The following KCNK3 variants were observed in gnomAD, a reference collection of about 807,000 sequenced individuals.
The protein encoded by KCNK3 is potassium channel subfamily K member 3.
In KCNK3, 9 loss-of-function variants were observed where a neutral mutation model predicts 27.3. The observed-to-expected ratio is 0.33, with a 90% CI of 0.20 to 0.57. The LOEUF (loss-of-function observed/expected upper bound fraction) is 0.57, where lower values mean the gene tolerates loss of function less well. Ranked by LOEUF, KCNK3 falls within the 20% of genes least tolerant of loss-of-function variation. The probability of loss-of-function intolerance (pLI) is 0.87; values close to 1 mark genes in which losing one functional copy is unlikely to be tolerated. For missense variants in KCNK3, 391 were observed against 577.7 expected, an observed-to-expected ratio of 0.68 and a Z score of 3.31; for synonymous variants, 278 against 273.8, an observed-to-expected ratio of 1.02 and a Z score of -0.15.
At chr2:26,722,938 G>A (rs1663350428) in intron 1 of KCNK3, among the ~76,000 whole-genome samples, 1 of 152,236 alleles carries the variant, frequency 6.6e-6, no homozygotes. Context: ...GGAAACCTGA[G>A]GCCCAGAAGG....
At chr2:26,701,377 G>A (rs1670306052) in intron 1 of KCNK3, among the ~76,000 whole-genome samples, 1 of 152,230 alleles carries the variant, frequency 6.6e-6, no homozygotes, top group African/African-American at 2.4e-5. Context: ...AGAAAGGGAA[G>A]TGGAGAAGGT....
chr2:26,726,106 C>CACACAGAG (rs1553387172), intron 1 of KCNK3, among the ~76,000 whole-genome samples: 8 of 81,720 alleles, frequency 9.8e-5, no homozygotes, highest in African/African-American at 5.3e-4. Flanking sequence ...CACACACACA[C>CACACAGAG]AGAGAGAGAG....
intron 1 of KCNK3, among the ~76,000 whole-genome samples, chr2:26,700,748 C>CATCACCAT (rs1558595635): frequency 4.7e-4 from 29 of 61,486 alleles, no homozygotes; most frequent in Non-Finnish European, 3.7e-4. Flanking sequence ...ATCATCATCA[C>CATCACCAT]CATCATCATC....
intron 1 of KCNK3, among the ~76,000 whole-genome samples, chr2:26,699,426 A>C (rs1427481100): frequency 6.6e-6 from 1 of 152,144 alleles, no homozygotes; most frequent in Non-Finnish European, 1.5e-5. Context: ...TAGAAGACAC[A>C]CGCCTGGCCA....
At chr2:26,704,679 C>T (rs1333613585) in intron 1 of KCNK3, among the ~76,000 whole-genome samples, 2 of 152,230 alleles carry the variant, frequency 1.3e-5, no homozygotes, top group African/African-American at 2.4e-5. Context: ...AGGTCTAGTC[C>T]CCCTGCCCGT....
chr2:26,706,754 G>A (rs1670379169), intron 1 of KCNK3, among the ~76,000 whole-genome samples: 2 of 152,156 alleles, frequency 1.3e-5, no homozygotes, highest in South Asian at 2.1e-4. Context: ...CTTCCAGGGG[G>A]TGGGCCAGTG....
chr2:26,715,164 C>T (rs1207378764), intron 1 of KCNK3, among the ~76,000 whole-genome samples: 2 of 152,236 alleles, frequency 1.3e-5, no homozygotes, highest in Admixed American at 6.5e-5. Flanking sequence ...CATTCACTAG[C>T]TGTGTGGGCT....
intron 1 of KCNK3, among the ~76,000 whole-genome samples, chr2:26,698,340 C>G (rs950432960): frequency 1.3e-5 from 2 of 152,178 alleles, no homozygotes; most frequent in Non-Finnish European, 2.9e-5. Context: ...GACTTGGAAG[C>G]TGGAGTGCCT....
chr2:26,715,128 G>A (rs181103939), intron 1 of KCNK3, among the ~76,000 whole-genome samples: 41 of 152,340 alleles, frequency 2.7e-4, no homozygotes, highest in African/African-American at 7.9e-4. Flanking sequence ...CAAGGTGACC[G>A]GCCTGAGCTT....
At chr2:26,707,178 C>G (rs540441722) in intron 1 of KCNK3, among the ~76,000 whole-genome samples, 1 of 152,188 alleles carries the variant, frequency 6.6e-6, no homozygotes, top group East Asian at 1.9e-4. Flanking sequence ...CTTATCAGCA[C>G]AGCGAGTCCA....
At chr2:26,715,925 G>T (rs1663223177) in intron 1 of KCNK3, among the ~76,000 whole-genome samples, 2 of 152,202 alleles carry the variant, frequency 1.3e-5, no homozygotes, top group African/African-American at 2.4e-5. Context: ...TGAAACTATT[G>T]CTGTCTCCAC....
intron 1 of KCNK3, among the ~76,000 whole-genome samples, chr2:26,694,936 A>G (rs904514526): frequency 6.6e-6 from 1 of 151,970 alleles, no homozygotes; most frequent in Non-Finnish European, 1.5e-5. Flanking sequence ...CTACCCCACA[A>G]CAAGGCATGC....
At chr2:26,716,975 C>T (rs1316481941) in intron 1 of KCNK3, among the ~76,000 whole-genome samples, 2 of 152,214 alleles carry the variant, frequency 1.3e-5, no homozygotes, top group Non-Finnish European at 2.9e-5. Flanking sequence ...CTAAATTTGC[C>T]ATGCCCATTG....
rs1271561478 is a variant in KCNK3 at position 26,693,499 on chromosome 2, G to GA, written c.283+343dup. ...GAGGGGTGTGGCCGGGCCAGGCCCTGAACAGGGCGCTGAGAGTGAGCGGCG... is the reference window on the plus strand; with the variant it reads ...GAGGGGTGTGGCCGGGCCAGGCCCTGAAACAGGGCGCTGAGAGTGAGCGGCG... On this transcript the variant is annotated intron_variant, in intron 1 of 1. Transcript: ENST00000302909. The surrounding 1 kb of genome is among the most constrained non-coding windows in gnomAD (Gnocchi z 5.5). 3.3e-5 allele frequency among the ~76,000 whole-genome samples: 5 copies of GA among 152,348 alleles called. No individual in the cohort carries two copies. The highest frequency in any genetic ancestry group is 7.3e-5 in the Non-Finnish European group (5 of 68,030).
Position 26,693,023 on chromosome 2 carries a change from G to A in KCNK3, c.148G>A (p.Ala50Thr), listed in dbSNP as rs1387339389. Reference sequence around the variant, plus strand: ...GGAGCTGCGGCAGCAGGAGCTGCGGGCGCGCTACAACCTCAGCCAGGGCGG... The same window carrying A: ...GGAGCTGCGGCAGCAGGAGCTGCGGACGCGCTACAACCTCAGCCAGGGCGG... ...RLELRQQELRARYNLSQGGYE... is the reference protein window; with the variant it reads ...RLELRQQELRTRYNLSQGGYE... The change falls in exon 1 of 2, where the codon GCG becomes ACG. Residue 50 changes from alanine (A) to threonine (T), a missense_variant. Ala to Thr is a moderately conservative substitution (Grantham distance 58). Transcript: ENST00000302909. This position sits in a 1 kb window ranked among gnomAD's most constrained non-coding sequence, Gnocchi z 5.5. The A allele has an allele frequency of 1.9e-6, 3 of 1,586,226 alleles. No individual in the cohort carries two copies. Among genetic ancestry groups the A allele is most frequent in the Middle Eastern group, 3.5e-4 (2 of 5,710 alleles).
Position 26,732,111 on chromosome 2 carries a change from G to A in KCNK3, c.*3543G>A, listed in dbSNP as rs979014722. 4 of 152,122 alleles carry A rather than the reference G, an allele frequency of 2.6e-5. No homozygotes were observed. Among genetic ancestry groups the A allele is most frequent in the Non-Finnish European group, 5.9e-5 (4 of 68,076 alleles). 9.4% of individuals were successfully genotyped at this position (152,122 alleles called of 1,614,324 possible). On this transcript the variant is annotated 3_prime_UTR_variant, in exon 2 of 2. Coordinates refer to ENST00000302909, the MANE Select transcript of KCNK3 (RefSeq NM_002246.3). ...CTTGGGACTGGGCCTCAGAACCTACGACAGACCGTGAGAGCAGACCCACCT... is the reference window on the plus strand; with the variant it reads ...CTTGGGACTGGGCCTCAGAACCTACAACAGACCGTGAGAGCAGACCCACCT...
chr2:26,705,890 C>G (rs1173849558), intron 1 of KCNK3, among the ~76,000 whole-genome samples: 1 of 152,116 alleles, frequency 6.6e-6, no homozygotes, highest in Non-Finnish European at 1.5e-5. Flanking sequence ...GGGGGCAGGT[C>G]AGACGGCCCT....
rs1200753235 is a variant in KCNK3, at chr2:26,693,742, G to T, written c.283+584G>T. On this transcript the variant is annotated intron_variant, in intron 1 of 1. Coordinates refer to ENST00000302909, the MANE Select transcript of KCNK3 (RefSeq NM_002246.3). This position sits in a 1 kb window ranked among gnomAD's most constrained non-coding sequence, Gnocchi z 5.5. ...CAGTGCCTGTGATTTTCTCAGAGCG[G>T]CAGAATTGGTGCGGGAAGCCAGATC... 1.3e-5 allele frequency among the ~76,000 whole-genome samples: 2 copies of T among 152,222 alleles called. No individual in the cohort carries two copies. The highest frequency in any genetic ancestry group is 2.4e-5 in the African/African-American group (1 of 41,452).
intron 1 of KCNK3, among the ~76,000 whole-genome samples, chr2:26,727,194 T>C (rs1360590615): frequency 6.6e-5 from 10 of 152,090 alleles, no homozygotes; most frequent in Non-Finnish European, 1.0e-4. Flanking sequence ...CCTCACCTTG[T>C]AGTCAAGGAA....
Sources: gnomAD v4.1 joint callset for allele counts (sites outside exome capture counted in the v4.1 genomes callset) on GRCh38, gnomAD v4.1.1 for gene constraint, Gnocchi (gnomAD v3.1) non-coding constraint, MANE v1.5 for transcripts, NCBI Gene and HGNC (gene_info 2026-07-23, HGNC 2026-07-21) for gene names.